The following SLC13A3 variants were observed in gnomAD, a reference collection of about 807,000 sequenced individuals.
SLC13A3 encodes Na(+)/dicarboxylate cotransporter 3.
A neutral mutation model predicts 59.0 loss-of-function variants in SLC13A3; 40 were observed. That is an observed-to-expected ratio of 0.68 (90% confidence interval 0.53 to 0.88). The LOEUF (loss-of-function observed/expected upper bound fraction) is 0.88, where lower values mean the gene tolerates loss of function less well. SLC13A3 is among the 40% of genes least tolerant of loss of function. SLC13A3 has a pLI of 0.00. For synonymous variants in SLC13A3, 317 were observed against 330.3 expected, an observed-to-expected ratio of 0.96 and a Z score of 0.44; for missense variants, 699 against 783.2, an observed-to-expected ratio of 0.89 and a Z score of 1.28.
intron 9 of SLC13A3, among the ~76,000 whole-genome samples, chr20:46,578,719 G>T (rs1676980452): frequency 6.6e-6 from 1 of 152,018 alleles, no homozygotes; most frequent in Admixed American, 6.6e-5. Flanking sequence ...GTGCTATGAA[G>T]AAAAATAAAA....
chr20:46,592,266 T>A (rs1485751360), intron 6 of SLC13A3, 138 bp downstream of exon 6: 2 of 1,047,666 alleles, frequency 1.9e-6, no homozygotes, highest in Non-Finnish European at 2.8e-6. Flanking sequence ...CATACCTACA[T>A]ACATACATAC....
chr20:46,615,873 T>G (rs2062549369), intron 1 of SLC13A3, among the ~76,000 whole-genome samples: 1 of 152,242 alleles, frequency 6.6e-6, no homozygotes, highest in African/African-American at 2.4e-5. Flanking sequence ...CATCCTATTT[T>G]CCTATTGACT....
chr20:46,610,704 C>T, intron 2 of SLC13A3, 95 bp from the exon 3 acceptor site: 4 of 1,024,590 alleles, frequency 3.9e-6, no homozygotes, highest in Non-Finnish European at 5.7e-6. Context: ...ACAATCCATC[C>T]ATTTTACAGA....
intron 2 of SLC13A3, among the ~76,000 whole-genome samples, chr20:46,611,942 C>T (rs564081135): frequency 6.6e-6 from 1 of 151,882 alleles, no homozygotes; most frequent in Non-Finnish European, 1.5e-5. Context: ...AATGTGTATC[C>T]TCATTTTGCT....
At chr20:46,677,564 G>A (rs964708171) in intron 1 of SLC13A3, among the ~76,000 whole-genome samples, 4 of 152,190 alleles carry the variant, frequency 2.6e-5, no homozygotes, top group African/African-American at 9.7e-5. Flanking sequence ...ACTAAGATGG[G>A]AAACTTGTGA....
chr20:46,599,557 T>C (rs993703338), intron 4 of SLC13A3, among the ~76,000 whole-genome samples: 1 of 152,240 alleles, frequency 6.6e-6, no homozygotes, highest in African/African-American at 2.4e-5. Context: ...AATGTGAAGA[T>C]GCTTTGTAAG....
rs141264727 is a variant in SLC13A3 at position 46,664,287 on chromosome 20, T to G, written c.-31+5756A>C. 4.6e-5 allele frequency among the ~76,000 whole-genome samples: 7 copies of G among 152,324 alleles called. No individual in the cohort carries two copies. The East Asian group carries it at 1.3e-3, about 29-fold the overall frequency. On this transcript the variant is annotated intron_variant, in intron 1 of 12. Coordinates refer to the SLC13A3 transcript ENST00000290317. Reference sequence around the variant, plus strand: ...CTGGGAAATGTGAACTGGCTTTTTATCACATCACGTCTAAAGGCTGAAGCG... The same window carrying G: ...CTGGGAAATGTGAACTGGCTTTTTAGCACATCACGTCTAAAGGCTGAAGCG...
intron 1 of SLC13A3, among the ~76,000 whole-genome samples, chr20:46,681,462 G>C (rs571477421): frequency 6.6e-6 from 1 of 151,974 alleles, no homozygotes; most frequent in African/African-American, 2.4e-5. Flanking sequence ...AGGGAGGAGG[G>C]AGGAGGAAGA....
intron 1 of SLC13A3, among the ~76,000 whole-genome samples, chr20:46,634,812 G>A (rs772964277): frequency 2.6e-5 from 4 of 152,118 alleles, no homozygotes; most frequent in Non-Finnish European, 5.9e-5. Context: ...GGGCAGCTCC[G>A]TCCTCTCTCT....
chr20:46,678,393 AT>A (rs1318864886), intron 1 of SLC13A3, among the ~76,000 whole-genome samples: 4 of 152,166 alleles, frequency 2.6e-5, no homozygotes, highest in Non-Finnish European at 5.9e-5. Context: ...GGAAAATCTG[AT>A]TTATGGTAGC....
intron 1 of SLC13A3, among the ~76,000 whole-genome samples, chr20:46,679,697 G>A (rs1051854705): frequency 3.3e-5 from 5 of 151,908 alleles, no homozygotes; most frequent in Middle Eastern, 3.2e-3. Context: ...CATTTGAGGC[G>A]GGACTTTGAG....
At chr20:46,621,920 C>T (rs765595994) in intron 1 of SLC13A3, among the ~76,000 whole-genome samples, 3 of 152,180 alleles carry the variant, frequency 2.0e-5, no homozygotes, top group Non-Finnish European at 2.9e-5. Flanking sequence ...ATACGTTTGA[C>T]CACGGATTGA....
chr20:46,620,650 C>A (rs2062604813), intron 1 of SLC13A3, among the ~76,000 whole-genome samples: 1 of 152,060 alleles, frequency 6.6e-6, no homozygotes, highest in Non-Finnish European at 1.5e-5. Flanking sequence ...CCTGCAGTGG[C>A]AGAGCATCCA....
upstream of SLC13A3, among the ~76,000 whole-genome samples, chr20:46,656,007 CT>C (rs1463348287): frequency 5.9e-5 from 8 of 135,754 alleles, no homozygotes; most frequent in East Asian, 6.3e-4. Flanking sequence ...ACTACATATA[CT>C]ATATATACAG....
chr20:46,566,743 G>A (rs1020275009), intron 10 of SLC13A3, among the ~76,000 whole-genome samples: 5 of 151,710 alleles, frequency 3.3e-5, no homozygotes, highest in African/African-American at 1.2e-4. Flanking sequence ...CATCCCTCCA[G>A]TGAAGGTTAT....
chr20:46,581,070 C>A (rs1481472435), intron 9 of SLC13A3, among the ~76,000 whole-genome samples: 1 of 152,244 alleles, frequency 6.6e-6, no homozygotes, highest in East Asian at 1.9e-4. Flanking sequence ...AGAAGCAGAA[C>A]CTCTGCTGCT....
intron 8 of SLC13A3, chr20:46,583,931 G>T (rs2062165319): frequency 1.0e-6 from 1 of 985,382 alleles, no homozygotes; most frequent in Non-Finnish European, 1.2e-6. Context: ...TACGAAGAGG[G>T]ACTTGACCAA....
chr20:46,584,215 G>A, intron 8 of SLC13A3: 3 of 985,402 alleles, frequency 3.0e-6, no homozygotes, highest in South Asian at 9.4e-5. Flanking sequence ...CCTCGGGGCA[G>A]GCACTTTCCA....
At chr20:46,584,429 T>C (rs2062171837) in intron 8 of SLC13A3, 2 of 985,382 alleles carry the variant, frequency 2.0e-6, no homozygotes. Context: ...CTGTAGACCC[T>C]GGCCTGAAAC....
Sources: allele counts gnomAD v4.1 joint callset (sites outside exome capture counted in the v4.1 genomes callset), GRCh38; gene constraint gnomAD v4.1.1; transcripts MANE v1.5; gene names NCBI Gene and HGNC (gene_info 2026-07-23, HGNC 2026-07-21).